The following SPATS2 variants were observed in gnomAD, a reference collection of about 807,000 sequenced individuals.
SPATS2 encodes the protein spermatogenesis associated serine rich 2, also known as spermatogenesis-associated serine-rich protein 2.
A neutral mutation model predicts 63.7 loss-of-function variants in SPATS2; 38 were observed. The ratio of observed to expected loss-of-function variants is 0.60; its 90% confidence interval spans 0.46 to 0.78. SPATS2 has a LOEUF of 0.78. Among genes scored for constraint, SPATS2 ranks in the 30% least tolerant of loss-of-function variants. The probability of loss-of-function intolerance (pLI) is 0.00; values close to 1 mark genes in which losing one functional copy is unlikely to be tolerated. For missense variants in SPATS2, 588 were observed against 666.2 expected (o/e 0.88, Z 1.29); for synonymous variants, 207 against 232.9 (o/e 0.89, Z 1.01).
At chr12:49,400,259 G>A (rs1944582872) in intron 2 of SPATS2, among the ~76,000 whole-genome samples, 1 of 152,070 alleles carries the variant, frequency 6.6e-6, no homozygotes, top group African/African-American at 2.4e-5. Flanking sequence ...GATCTTGATG[G>A]GAGAGGCTTT....
intron 2 of SPATS2, among the ~76,000 whole-genome samples, chr12:49,419,243 C>CAATA (rs1034559479): frequency 2.6e-5 from 4 of 152,184 alleles, no homozygotes; most frequent in African/African-American, 7.2e-5. Flanking sequence ...TTAAGACTTA[C>CAATA]AATATAGTAG....
intron 9 of SPATS2, among the ~76,000 whole-genome samples, chr12:49,504,773 T>C (rs1285795084): frequency 7.1e-6 from 1 of 140,970 alleles, no homozygotes; most frequent in Non-Finnish European, 1.5e-5. Context: ...TTTCTTTCTT[T>C]TTTTTTTTTT....
At chr12:49,464,531 G>A (rs1270374001) in intron 3 of SPATS2, among the ~76,000 whole-genome samples, 2 of 151,712 alleles carry the variant, frequency 1.3e-5, no homozygotes, top group East Asian at 3.9e-4. Flanking sequence ...GGAGGCTGAG[G>A]CAGGAGAATC....
intron 1 of SPATS2, among the ~76,000 whole-genome samples, chr12:49,370,845 C>G (rs549090670): frequency 6.6e-6 from 1 of 152,148 alleles, no homozygotes; most frequent in South Asian, 2.1e-4. Context: ...TGCAGTGGTA[C>G]AATCATGGCT....
chr12:49,488,476 T>C (rs139025616), intron 4 of SPATS2, among the ~76,000 whole-genome samples: 286 of 152,020 alleles, frequency 1.9e-3, no homozygotes, highest in African/African-American at 6.3e-3. Context: ...CTGGCCAACA[T>C]AGCAAAACCC....
At chr12:49,496,774 A>G in intron 7 of SPATS2, 59 bp from the exon 8 acceptor site, 1 of 1,561,128 alleles carries the variant, frequency 6.4e-7, no homozygotes, top group Non-Finnish European at 8.7e-7. Context: ...TTGTGTACTT[A>G]AGAATGACTG....
At chr12:49,424,437 A>G (rs1014134509) in intron 2 of SPATS2, among the ~76,000 whole-genome samples, 3 of 152,184 alleles carry the variant, frequency 2.0e-5, no homozygotes, top group Admixed American at 2.0e-4. Flanking sequence ...CAACAGTCTC[A>G]GCTTTGGTCA....
At chr12:49,381,510 A>G (rs976838866) in intron 2 of SPATS2, among the ~76,000 whole-genome samples, 1 of 152,252 alleles carries the variant, frequency 6.6e-6, no homozygotes, top group East Asian at 1.9e-4. Context: ...AGAAACGTGT[A>G]TACATAAAAT....
intron 2 of SPATS2, among the ~76,000 whole-genome samples, chr12:49,436,886 C>T (rs1321612852): frequency 3.1e-4 from 42 of 134,044 alleles, no homozygotes; most frequent in Admixed American, 5.1e-4. Context: ...CCCTCCCGGA[C>T]GGGGCGGCTG....
At position 49,427,391 on chromosome 12, in the gene SPATS2, G is replaced by C. The variant is rs1417080404; in HGVS notation, c.-243-33379G>C. On this transcript the variant is annotated intron_variant, in intron 2 of 13. Coordinates refer to ENST00000552918, the MANE Select transcript of SPATS2 (RefSeq NM_023071.4). ...ATATAGTTGACACATTTTTGCAGCA[G>C]TACAGACATTTAGTGAATACATCAC... is the stretch of plus-strand genomic sequence containing the variant. Among the ~76,000 whole-genome samples, 3 of 152,114 alleles carry C rather than the reference G, an allele frequency of 2.0e-5. No individual in the cohort carries two copies. The East Asian group carries it at 5.8e-4, about 29-fold the overall frequency.
chr12:49,517,353 G>A (rs558988348), intron 10 of SPATS2, among the ~76,000 whole-genome samples: 8 of 152,324 alleles, frequency 5.3e-5, no homozygotes, highest in Non-Finnish European at 1.2e-4. Context: ...GTTGGGCTGA[G>A]TAAACTTGCT....
At chr12:49,435,361 G>T (rs1452169976) in intron 2 of SPATS2, among the ~76,000 whole-genome samples, 3 of 138,076 alleles carry the variant, frequency 2.2e-5, no homozygotes, top group Non-Finnish European at 4.6e-5. Context: ...GTCTAGCTTT[G>T]TCGCCCGGGC....
At chr12:49,497,960 C>A (rs1946491839) in intron 8 of SPATS2, among the ~76,000 whole-genome samples, 1 of 151,864 alleles carries the variant, frequency 6.6e-6, no homozygotes, top group South Asian at 2.1e-4. Flanking sequence ...GTGGTCCACT[C>A]CACTAAACAA....
intron 2 of SPATS2, among the ~76,000 whole-genome samples, chr12:49,407,312 A>G (rs1413442928): frequency 6.6e-6 from 1 of 152,048 alleles, no homozygotes; most frequent in Non-Finnish European, 1.5e-5. Context: ...AATTAAGTCA[A>G]ATGAGGTTGT....
chr12:49,412,605 G>A (rs1944816460), intron 2 of SPATS2, among the ~76,000 whole-genome samples: 1 of 151,968 alleles, frequency 6.6e-6, no homozygotes, highest in Non-Finnish European at 1.5e-5. Flanking sequence ...TTCAGGCTGG[G>A]CATGGTGGCT....
intron 2 of SPATS2, among the ~76,000 whole-genome samples, chr12:49,427,830 C>G (rs1304547690): frequency 1.3e-5 from 2 of 152,150 alleles, no homozygotes; most frequent in East Asian, 1.9e-4. Context: ...AAGATCTATA[C>G]TAGCTCTTTA....
At chr12:49,422,904 C>T (rs576017890) in intron 2 of SPATS2, among the ~76,000 whole-genome samples, 66 of 150,976 alleles carry the variant, frequency 4.4e-4, no homozygotes, top group Non-Finnish European at 8.4e-4. Context: ...AGAACCAGAC[C>T]CTATTTAAAA....
chr12:49,422,430 A>G (rs918073750), intron 2 of SPATS2, among the ~76,000 whole-genome samples: 5 of 152,018 alleles, frequency 3.3e-5, no homozygotes, highest in Non-Finnish European at 5.9e-5. Flanking sequence ...TTCTGTTTCC[A>G]TAACTAAAAA....
Position 49,460,879 on chromosome 12 carries a change from C to G in SPATS2, c.-134C>G. 2 of 854,554 alleles carry G rather than the reference C, an allele frequency of 2.3e-6. No homozygotes were observed. The highest frequency in any genetic ancestry group is 3.8e-6 in the Non-Finnish European group (2 of 532,310). 52.9% of individuals were successfully genotyped at this position (854,554 alleles called of 1,614,324 possible). ...AGCTAGTGAGCAGAATTTCGAACAG[C>G]AGGATTTCGTATTTTTTGCTTCCAA... On this transcript the variant is annotated 5_prime_UTR_variant, in exon 3 of 14. Coordinates refer to ENST00000552918, the MANE Select transcript of SPATS2 (RefSeq NM_023071.4).
Sources: gnomAD v4.1 joint callset for allele counts (sites outside exome capture counted in the v4.1 genomes callset) on GRCh38, gnomAD v4.1.1 for gene constraint, MANE v1.5 for transcripts, NCBI Gene and HGNC (gene_info 2026-07-23, HGNC 2026-07-21) for gene names.